The following MTSS1 variants were observed in gnomAD, a reference collection of about 807,000 sequenced individuals.
MTSS1 encodes protein MTSS 1.
Under a neutral mutation model 79.0 loss-of-function variants are expected in MTSS1, and 18 were observed. The observed-to-expected ratio is 0.23, with a 90% confidence interval of 0.16 to 0.34. MTSS1 has a LOEUF of 0.34. Among genes scored for constraint, MTSS1 ranks in the 10% least tolerant of loss-of-function variants. The probability of loss-of-function intolerance (pLI) is 1.00; values close to 1 mark genes in which losing one functional copy is unlikely to be tolerated. For synonymous variants in MTSS1, 341 were observed against 368.6 expected (o/e 0.93, Z 0.86); for missense variants, 815 against 986.2 (o/e 0.83, Z 2.33).
chr8:124,650,008 G>C (rs1380818853), intron 3 of MTSS1, among the ~76,000 whole-genome samples: 1 of 151,194 alleles, frequency 6.6e-6, no homozygotes, highest in East Asian at 1.9e-4. Flanking sequence ...CTACACACAG[G>C]CCAACAGAAG....
chr8:124,615,523 T>C (rs896003337), intron 3 of MTSS1, among the ~76,000 whole-genome samples: 2 of 152,098 alleles, frequency 1.3e-5, no homozygotes, highest in South Asian at 2.1e-4. Flanking sequence ...AGAATCACAC[T>C]CACAGAAACA....
intron 3 of MTSS1, among the ~76,000 whole-genome samples, chr8:124,670,774 C>A (rs569012460): frequency 2.0e-5 from 3 of 152,132 alleles, no homozygotes; most frequent in African/African-American, 7.2e-5. Flanking sequence ...CAATTCATCC[C>A]GTCTCCAAAG....
chr8:124,607,565 G>A (rs985153136), intron 3 of MTSS1, among the ~76,000 whole-genome samples: 1 of 152,200 alleles, frequency 6.6e-6, no homozygotes, highest in Admixed American at 6.5e-5. Flanking sequence ...TATGAGGCTT[G>A]CGCAGGAGAG....
chr8:124,637,054 T>C lies in MTSS1; in HGVS notation c.209-45819A>G, dbSNP rs1442681677. Among the ~76,000 whole-genome samples, 4 of 152,170 alleles carry C rather than the reference T, an allele frequency of 2.6e-5. No homozygotes were observed. The East Asian group carries it at 5.8e-4, about 22-fold the overall frequency. On this transcript the variant is annotated intron_variant, in intron 3 of 13. Transcript: ENST00000518547. ...TGTGCCCTATATCTTACATGTTCCCTTATTTAATAGCATGATCACCCAGGG... is the reference window on the plus strand; with the variant it reads ...TGTGCCCTATATCTTACATGTTCCCCTATTTAATAGCATGATCACCCAGGG...
intron 3 of MTSS1, among the ~76,000 whole-genome samples, chr8:124,637,565 G>A (rs896712077): frequency 6.6e-6 from 1 of 152,216 alleles, no homozygotes; most frequent in East Asian, 1.9e-4. Context: ...GAAAGCAGGA[G>A]GGAGGGGGTT....
rs190444148 is a variant in MTSS1, at chr8:124,726,444, G to A, written c.72+1440C>T. On this transcript the variant is annotated intron_variant, in intron 1 of 13. Transcript: ENST00000518547. Reference sequence around the variant, plus strand: ...TAATCCATCTAATTCCAAGTGCCTGGACTATAAGCATTCCTGGGCAAGCAG... The same window carrying A: ...TAATCCATCTAATTCCAAGTGCCTGAACTATAAGCATTCCTGGGCAAGCAG... Among the ~76,000 whole-genome samples the A allele has an allele frequency of 1.4e-3, 215 of 152,306 alleles. 2 individuals are homozygous for A. The highest frequency in any genetic ancestry group is 1.6e-4 in the Non-Finnish European group (11 of 68,028).
At chr8:124,566,994 T>C (rs1826635146) in intron 8 of MTSS1, 77 bp downstream of exon 8, 11 of 1,109,712 alleles carry the variant, frequency 9.9e-6, no homozygotes, top group Non-Finnish European at 1.5e-5. Context: ...ACGTGACACA[T>C]GCCACAGGAA....
At chr8:124,643,558 C>T (rs1563921242) in intron 3 of MTSS1, among the ~76,000 whole-genome samples, 1 of 151,874 alleles carries the variant, frequency 6.6e-6, no homozygotes, top group Non-Finnish European at 1.5e-5. Context: ...ATTAGCCAGG[C>T]GTGGTGGCAC....
intron 3 of MTSS1, among the ~76,000 whole-genome samples, chr8:124,648,697 T>C (rs1404271766): frequency 6.9e-6 from 1 of 145,880 alleles, no homozygotes; most frequent in Non-Finnish European, 1.5e-5. Context: ...AGAGTCTTCA[T>C]CCCAAATAGC....
chr8:124,637,460 C>T (rs866152709), intron 3 of MTSS1, among the ~76,000 whole-genome samples: 2 of 152,176 alleles, frequency 1.3e-5, no homozygotes, highest in Non-Finnish European at 2.9e-5. Flanking sequence ...CCTTCTCCCA[C>T]AGGAAAGGGG....
At chr8:124,704,909 C>T (rs552699839) in intron 1 of MTSS1, among the ~76,000 whole-genome samples, 2 of 152,242 alleles carry the variant, frequency 1.3e-5, no homozygotes, top group East Asian at 1.9e-4. Flanking sequence ...CACTTCTCCC[C>T]GGGACCCTGC....
In MTSS1 at chr8:124,553,607, G is replaced by A. The variant is rs746261396; in HGVS notation, c.1653C>T (p.Asn551=). The change falls in exon 14 of 14, where the codon AAC becomes AAT. Residue 551 remains asparagine, a synonymous_variant. Coordinates refer to ENST00000518547, the MANE Select transcript of MTSS1 (RefSeq NM_014751.6). This position sits in a 1 kb window ranked among gnomAD's most constrained non-coding sequence, Gnocchi z 6.0. ...EFDKSSTIPR[N]SDISQSYRRM... ...GTCGGTAGGACTGGCTGATGTCGCT[G>A]TTTCTTGGAATGGTGGAGGACTTGT... 3 of 1,614,202 alleles carry A rather than the reference G, an allele frequency of 1.9e-6. No homozygotes were observed. The highest frequency in any genetic ancestry group is 2.2e-5 in the East Asian group (1 of 44,866).
intron 1 of MTSS1, among the ~76,000 whole-genome samples, chr8:124,718,199 C>T (rs1177769406): frequency 1.3e-5 from 2 of 151,558 alleles, no homozygotes; most frequent in Non-Finnish European, 2.9e-5. Flanking sequence ...ATTAACTTTA[C>T]GTTACTTACA....
intron 3 of MTSS1, among the ~76,000 whole-genome samples, chr8:124,680,259 G>A (rs1023393323): frequency 6.6e-6 from 1 of 152,224 alleles, no homozygotes; most frequent in Non-Finnish European, 1.5e-5. Flanking sequence ...CTCAATCGCA[G>A]GCTCAGGAAT....
chr8:124,654,873 G>T (rs1407732751), intron 3 of MTSS1, among the ~76,000 whole-genome samples: 1 of 152,238 alleles, frequency 6.6e-6, no homozygotes, highest in Non-Finnish European at 1.5e-5. Flanking sequence ...CTGAGGTTCA[G>T]ATAATTTCAA....
intron 1 of MTSS1, among the ~76,000 whole-genome samples, chr8:124,724,901 C>G (rs1833464173): frequency 6.6e-6 from 1 of 152,172 alleles, no homozygotes; most frequent in African/African-American, 2.4e-5. Context: ...AGCTATGGGC[C>G]CTTCCCTCCA....
At chr8:124,700,150 G>T (rs1312592593) in intron 2 of MTSS1, among the ~76,000 whole-genome samples, 2 of 145,382 alleles carry the variant, frequency 1.4e-5, no homozygotes, top group African/African-American at 2.5e-5. Context: ...AAAAAAAAAA[G>T]AAAAAAGAAA....
At chr8:124,642,728 G>A (rs893545179) in intron 3 of MTSS1, among the ~76,000 whole-genome samples, 1 of 152,112 alleles carries the variant, frequency 6.6e-6, no homozygotes, top group Admixed American at 6.6e-5. Context: ...AAGTAGCTGA[G>A]ATTACAGGTG....
At chr8:124,621,231 T>C (rs1813443993) in intron 3 of MTSS1, among the ~76,000 whole-genome samples, 1 of 152,186 alleles carries the variant, frequency 6.6e-6, no homozygotes, top group Non-Finnish European at 1.5e-5. Context: ...AAAAAGCAGG[T>C]GATTAGTTTT....
Sources: gnomAD v4.1 joint callset for allele counts (sites outside exome capture counted in the v4.1 genomes callset) on GRCh38, gnomAD v4.1.1 for gene constraint, Gnocchi (gnomAD v3.1) non-coding constraint, MANE v1.5 for transcripts, NCBI Gene and HGNC (gene_info 2026-07-23, HGNC 2026-07-21) for gene names.